The following BACE2 variants were observed in gnomAD, a reference collection of about 807,000 sequenced individuals.
BACE2 encodes the protein beta-secretase 2.
A neutral mutation model predicts 46.2 loss-of-function variants in BACE2; 17 were observed. The observed-to-expected ratio is 0.37, with a 90% CI of 0.25 to 0.55. BACE2 has a LOEUF of 0.55. Among genes scored for constraint, BACE2 ranks in the 20% least tolerant of loss-of-function variants. The pLI is 0.82. For missense variants in BACE2, 595 were observed against 698.1 expected (o/e 0.85, Z 1.66); for synonymous variants, 277 against 295.9 (o/e 0.94, Z 0.66).
chr21:41,241,078 C>T (rs751537127), intron 3 of BACE2, among the ~76,000 whole-genome samples: 12 of 152,196 alleles, frequency 7.9e-5, no homozygotes, highest in Non-Finnish European at 1.5e-4. Flanking sequence ...TCCTACATGA[C>T]CACCGGCACC....
chr21:41,202,161 T>C (rs1326391218), intron 1 of BACE2, among the ~76,000 whole-genome samples: 1 of 152,214 alleles, frequency 6.6e-6, no homozygotes, highest in African/African-American at 2.4e-5. Flanking sequence ...TGTTTGTTAT[T>C]TGTTATGGTT....
chr21:41,275,735 C>T lies in BACE2; in HGVS notation c.*111C>T. The T allele has an allele frequency of 7.5e-7, 1 of 1,333,678 alleles. No homozygotes were observed. Among genetic ancestry groups the T allele is most frequent in the South Asian group, 1.4e-5 (1 of 71,166 alleles). 82.6% of individuals were successfully genotyped at this position (1,333,678 alleles called of 1,614,324 possible). A position where few individuals can be genotyped will look rare whatever the true frequency, so the allele number is the denominator to read the frequency against. On this transcript the variant is annotated 3_prime_UTR_variant, in exon 9 of 9. Coordinates refer to ENST00000330333, the MANE Select transcript of BACE2 (RefSeq NM_012105.5). ...GCTTTCTCCTGTGCCCACCCGTCTT[C>T]AATCTCTGTTCTGCTCCCAGATGCC...
chr21:41,195,174 C>T (rs1361912996), intron 1 of BACE2, among the ~76,000 whole-genome samples: 4 of 152,252 alleles, frequency 2.6e-5, no homozygotes, highest in Non-Finnish European at 2.9e-5. Flanking sequence ...GCTGTTTTCA[C>T]ACTGCAATGG....
In BACE2 at chr21:41,215,766, C is replaced by T. The variant is rs189494159; in HGVS notation, c.313-10500C>T. On this transcript the variant is annotated intron_variant, in intron 1 of 8. Transcript: ENST00000330333. ...AGATGTAAAGTGGGGATCTGTCTAT[C>T]GTATGAGCTTTTGAGTCATTTTAAG... Among the ~76,000 whole-genome samples the T allele has an allele frequency of 2.4e-4, 37 of 152,270 alleles. No homozygotes were observed. The East Asian group carries it at 5.0e-3, about 21-fold the overall frequency.
intron 7 of BACE2, among the ~76,000 whole-genome samples, chr21:41,251,359 G>A (rs1434396706): frequency 2.6e-5 from 4 of 152,200 alleles, no homozygotes; most frequent in South Asian, 4.1e-4. Context: ...CCCAGATTCC[G>A]AGGATGAGGG....
intron 2 of BACE2, among the ~76,000 whole-genome samples, chr21:41,235,751 A>C (rs1987099243): frequency 6.6e-6 from 1 of 152,244 alleles, no homozygotes; most frequent in South Asian, 2.1e-4. Context: ...CAGAGGTGGG[A>C]GGATCTCCTG....
At chr21:41,274,427 A>G (rs914894837) in intron 8 of BACE2, among the ~76,000 whole-genome samples, 1 of 152,196 alleles carries the variant, frequency 6.6e-6, no homozygotes, top group Non-Finnish European at 1.5e-5. Flanking sequence ...GAAAAATCAA[A>G]TTCTTAGCAG....
At position 41,240,593 on chromosome 21, in the gene BACE2, T is replaced by C. The variant is rs897364187; in HGVS notation, c.619-1226T>C. Among the ~76,000 whole-genome samples the C allele has an allele frequency of 2.0e-5, 3 of 152,170 alleles. No homozygotes were observed. In the East Asian group the frequency reaches 5.8e-4, roughly 29 times the overall value. ...AAGTGGCAGAGCCTGTCTCCCATCG[T>C]GTTTGCTTTGCTTTACCGCCTCTCA... On this transcript the variant is annotated intron_variant, in intron 3 of 8. Transcript: ENST00000330333.
At chr21:41,200,512 G>C (rs1019084537) in intron 1 of BACE2, among the ~76,000 whole-genome samples, 1 of 152,166 alleles carries the variant, frequency 6.6e-6, no homozygotes, top group African/African-American at 2.4e-5. Context: ...TGTTCTGCAG[G>C]TCTCAGGACC....
intron 8 of BACE2, among the ~76,000 whole-genome samples, chr21:41,263,363 TTAAG>T (rs1205917272): frequency 6.6e-6 from 1 of 152,202 alleles, no homozygotes; most frequent in African/African-American, 2.4e-5. Context: ...ATAAAATAAC[TTAAG>T]TAATACATAC....
intron 1 of BACE2, among the ~76,000 whole-genome samples, chr21:41,222,918 A>C (rs1466063641): frequency 6.6e-6 from 1 of 152,176 alleles, no homozygotes; most frequent in Non-Finnish European, 1.5e-5. Flanking sequence ...GCTGCTGTCG[A>C]CCGAGATGGT....
intron 6 of BACE2, among the ~76,000 whole-genome samples, chr21:41,248,095 G>A (rs1299532540): frequency 6.6e-6 from 1 of 152,204 alleles, no homozygotes; most frequent in East Asian, 1.9e-4. Context: ...GGAGCGGGGA[G>A]TGTTGTACAA....
rs984894871 is a variant in BACE2, at chr21:41,281,300, G to A, written c.*5676G>A. On this transcript the variant is annotated 3_prime_UTR_variant, in exon 9 of 9. Transcript: ENST00000330333. ...TTAGAAATGACAGATTTATAATATAGACTTCAGTAAGTTGGGCACAGCTGT... is the reference window on the plus strand; with the variant it reads ...TTAGAAATGACAGATTTATAATATAAACTTCAGTAAGTTGGGCACAGCTGT... 1 of 152,150 alleles carries A rather than the reference G, an allele frequency of 6.6e-6. No individual in the cohort carries two copies. The highest frequency in any genetic ancestry group is 1.5e-5 in the Non-Finnish European group (1 of 68,028). The allele number at this position is 152,150 out of a possible 1,614,324, so 9.4% of individuals were successfully genotyped here. A position where few individuals can be genotyped will look rare whatever the true frequency, so the allele number is the denominator to read the frequency against.
Position 41,168,262 on chromosome 21 carries a change from G to T in BACE2, c.-2G>T. On this transcript the variant is annotated 5_prime_UTR_variant, in exon 1 of 9. Transcript: ENST00000330333. The stretch of plus-strand genomic sequence containing the variant: ...GCGCGCCCCCCGGGCCCCGCCGTGG[G>T]CATGGGCGCACTGGCCCGGGCGCTG... 8.4e-7 allele frequency: 1 copy of T among 1,186,514 alleles called. No homozygotes were observed. Among genetic ancestry groups the T allele is most frequent in the Non-Finnish European group, 1.0e-6 (1 of 960,516 alleles). 73.5% of individuals were successfully genotyped at this position (1,186,514 alleles called of 1,614,324 possible).
chr21:41,239,518 C>T (rs527624257), intron 3 of BACE2, among the ~76,000 whole-genome samples: 29 of 152,320 alleles, frequency 1.9e-4, no homozygotes, highest in African/African-American at 6.7e-4. Context: ...GCTGGGACCA[C>T]AGGCACATGC....
chr21:41,231,254 C>T (rs974871731), intron 2 of BACE2, among the ~76,000 whole-genome samples: 5 of 152,144 alleles, frequency 3.3e-5, no homozygotes, highest in East Asian at 1.9e-4. Flanking sequence ...GTTGATGAAC[C>T]GCCAGGCTGG....
At chr21:41,224,552 C>T (rs568543556) in intron 1 of BACE2, among the ~76,000 whole-genome samples, 59 of 152,322 alleles carry the variant, frequency 3.9e-4, no homozygotes, top group African/African-American at 1.1e-3. Flanking sequence ...GCTATATCTA[C>T]GTGGTCTGTG....
At chr21:41,173,094 T>C (rs1984663184) in intron 1 of BACE2, among the ~76,000 whole-genome samples, 1 of 152,240 alleles carries the variant, frequency 6.6e-6, no homozygotes, top group Non-Finnish European at 1.5e-5. Context: ...CACATCTGCA[T>C]AGACCCACTT....
intron 1 of BACE2, among the ~76,000 whole-genome samples, chr21:41,170,405 C>T (rs1984564510): frequency 6.6e-6 from 1 of 152,096 alleles, no homozygotes; most frequent in Non-Finnish European, 1.5e-5. Flanking sequence ...TTCCAGGGAG[C>T]GCTGCTTCTA....
Sources: allele counts gnomAD v4.1 joint callset (sites outside exome capture counted in the v4.1 genomes callset), GRCh38; gene constraint gnomAD v4.1.1; transcripts MANE v1.5; gene names NCBI Gene and HGNC (gene_info 2026-07-23, HGNC 2026-07-21).